Variants in MAN1A2 observed in about 807,000 individuals in gnomAD.
The protein encoded by MAN1A2 is mannosidase alpha class 1A member 2.
In MAN1A2, 26 loss-of-function variants were observed where a neutral mutation model predicts 75.7. The ratio of observed to expected loss-of-function variants is 0.34; its 90% confidence interval spans 0.25 to 0.48. The LOEUF is 0.48. Among genes scored for constraint, MAN1A2 ranks in the 20% least tolerant of loss-of-function variants. MAN1A2 has a pLI of 0.99. For synonymous variants in MAN1A2, 247 were observed against 264.6 expected, an observed-to-expected ratio of 0.93 and a Z score of 0.65; for missense variants, 562 against 775.5, an observed-to-expected ratio of 0.72 and a Z score of 3.27.
intron 5 of MAN1A2, among the ~76,000 whole-genome samples, chr1:117,434,922 A>T (rs1333340374): frequency 1.3e-5 from 2 of 151,900 alleles, no homozygotes; most frequent in Non-Finnish European, 2.9e-5. Flanking sequence ...ATTTAAAAGG[A>T]TTGGGTGATA....
chr1:117,445,866 G>GTATATATATATATATATATATATA (rs1255167664), intron 6 of MAN1A2, among the ~76,000 whole-genome samples: 1 of 120,164 alleles, frequency 8.3e-6, no homozygotes, highest in Admixed American at 8.6e-5. Context: ...GTGTATGTGT[G>GTATATATATATATATATATATATA]TGTGTGTCTG....
At chr1:117,380,219 A>T (rs1040224444) in intron 1 of MAN1A2, among the ~76,000 whole-genome samples, 1 of 152,206 alleles carries the variant, frequency 6.6e-6, no homozygotes, top group Non-Finnish European at 1.5e-5. Flanking sequence ...ATGAATGAGT[A>T]ATGATGAATA....
At chr1:117,435,563 A>G (rs905460544) in intron 5 of MAN1A2, among the ~76,000 whole-genome samples, 2 of 152,218 alleles carry the variant, frequency 1.3e-5, no homozygotes, top group African/African-American at 4.8e-5. Context: ...TGGAAAAGTT[A>G]CTTGTGTTAT....
intron 12 of MAN1A2, among the ~76,000 whole-genome samples, chr1:117,508,712 T>C (rs1373096229): frequency 6.6e-6 from 1 of 151,650 alleles, no homozygotes; most frequent in Non-Finnish European, 1.5e-5. Flanking sequence ...GCCAAAACAA[T>C]TGCATTTTTA....
At chr1:117,521,272 C>A (rs891970921) in intron 12 of MAN1A2, among the ~76,000 whole-genome samples, 1 of 151,912 alleles carries the variant, frequency 6.6e-6, no homozygotes, top group African/African-American at 2.4e-5. Flanking sequence ...GACCAAGAAC[C>A]CAAAAGCAAA....
At chr1:117,415,280 A>G (rs950364927) in intron 4 of MAN1A2, among the ~76,000 whole-genome samples, 2 of 152,170 alleles carry the variant, frequency 1.3e-5, no homozygotes, top group Non-Finnish European at 2.9e-5. Context: ...AATGTGGTAC[A>G]TATTAAATGC....
chr1:117,497,012 G>A (rs1557974494), intron 10 of MAN1A2, 30 bp downstream of exon 10: 15 of 1,536,230 alleles, frequency 9.8e-6, no homozygotes, highest in Non-Finnish European at 1.3e-5. Flanking sequence ...TAATTATATA[G>A]TCTAAAATAA....
intron 5 of MAN1A2, among the ~76,000 whole-genome samples, chr1:117,437,512 A>C (rs909535540): frequency 3.4e-4 from 52 of 152,294 alleles, no homozygotes; most frequent in Admixed American, 3.2e-3. Context: ...AATATTAACT[A>C]TAAAAATTAA....
intron 1 of MAN1A2, among the ~76,000 whole-genome samples, chr1:117,384,238 A>G (rs1336296715): frequency 6.6e-6 from 1 of 152,108 alleles, no homozygotes; most frequent in Non-Finnish European, 1.5e-5. Context: ...GATCTTTTAA[A>G]TGTAGGTATT....
chr1:117,521,398 T>A (rs1402104370), intron 12 of MAN1A2, among the ~76,000 whole-genome samples: 1 of 151,316 alleles, frequency 6.6e-6, no homozygotes, highest in African/African-American at 2.4e-5. Context: ...GAAGAAGATG[T>A]AAAAGTGGTC....
At chr1:117,398,218 A>G (rs900731774) in intron 1 of MAN1A2, among the ~76,000 whole-genome samples, 4 of 152,192 alleles carry the variant, frequency 2.6e-5, no homozygotes, top group African/African-American at 9.7e-5. Context: ...GGAAAGATAC[A>G]TGGTGCCATC....
rs149800070 is a variant in MAN1A2, at chr1:117,526,249, G to A, written c.*3292G>A. ...TTATGAAGTATCTAACATGTGCCAA[G>A]CATTGTGCCTGGCACTTTCAATCAT... On this transcript the variant is annotated 3_prime_UTR_variant, in exon 13 of 13. Transcript: ENST00000356554. 7.2e-4 allele frequency: 110 copies of A among 151,930 alleles called. 1 individual carries two copies. Among genetic ancestry groups the A allele is most frequent in the African/African-American group, 2.6e-3 (109 of 41,506 alleles). 9.4% of individuals were successfully genotyped at this position (151,930 alleles called of 1,614,324 possible).
At chr1:117,418,512 G>A (rs1349614990) in intron 4 of MAN1A2, among the ~76,000 whole-genome samples, 1 of 152,100 alleles carries the variant, frequency 6.6e-6, no homozygotes, top group Non-Finnish European at 1.5e-5. Context: ...TCCTGCTTCT[G>A]TTATACTATT....
At chr1:117,460,047 T>C (rs1013290925) in intron 6 of MAN1A2, among the ~76,000 whole-genome samples, 19 of 150,392 alleles carry the variant, frequency 1.3e-4, no homozygotes, top group African/African-American at 2.5e-4. Context: ...ATTAATATTA[T>C]GGAATTCCGT....
At chr1:117,376,872 C>G (rs768285900) in intron 1 of MAN1A2, among the ~76,000 whole-genome samples, 3 of 152,170 alleles carry the variant, frequency 2.0e-5, no homozygotes, top group African/African-American at 4.8e-5. Flanking sequence ...ATTTACATTG[C>G]ATTTACATTA....
intron 12 of MAN1A2, among the ~76,000 whole-genome samples, chr1:117,506,119 G>A (rs973903673): frequency 7.0e-6 from 1 of 142,370 alleles, no homozygotes. Context: ...CTTTATAGAG[G>A]AATGAAGATA....
chr1:117,500,474 T>A (rs1176114319), intron 11 of MAN1A2, among the ~76,000 whole-genome samples: 2 of 151,868 alleles, frequency 1.3e-5, no homozygotes, highest in East Asian at 3.9e-4. Context: ...TCCTGAAGGC[T>A]TTTTTCAGTG....
chr1:117,403,035 C>T (rs570325763), intron 2 of MAN1A2, among the ~76,000 whole-genome samples: 1 of 151,976 alleles, frequency 6.6e-6, no homozygotes, highest in African/African-American at 2.4e-5. Context: ...AAAGAGAATA[C>T]CAGATGGGAA....
intron 8 of MAN1A2, among the ~76,000 whole-genome samples, chr1:117,481,683 G>A (rs1650500815): frequency 6.6e-6 from 1 of 152,012 alleles, no homozygotes; most frequent in Admixed American, 6.6e-5. Flanking sequence ...TGCTTCATGT[G>A]GTCTCATCAT....
Sources: allele counts gnomAD v4.1 joint callset (sites outside exome capture counted in the v4.1 genomes callset), GRCh38; gene constraint gnomAD v4.1.1; transcripts MANE v1.5; gene names NCBI Gene and HGNC (gene_info 2026-07-23, HGNC 2026-07-21).